IL17RC: variants seen among roughly 807,000 people sequenced by gnomAD.
The protein encoded by IL17RC is interleukin 17 receptor C.
Under a neutral mutation model 86.7 loss-of-function variants are expected in IL17RC, and 53 were observed. The ratio of observed to expected loss-of-function variants is 0.61; its 90% CI spans 0.49 to 0.77. The LOEUF (loss-of-function observed/expected upper bound fraction) is 0.77. IL17RC is among the 30% of genes least tolerant of loss of function. The pLI, the probability that IL17RC is intolerant of heterozygous loss-of-function variation, is 0.00. For synonymous variants in IL17RC, 439 were observed against 413.1 expected (o/e 1.06, Z -0.76); for missense variants, 957 against 940.0 (o/e 1.02, Z -0.24).
chr3:9,920,996 G>A, intron 7 of IL17RC, 27 bp downstream of exon 7: 1 of 1,505,384 alleles, frequency 6.6e-7, no homozygotes. Flanking sequence ...GTGGGCCGGG[G>A]GTAGGGAGGG....
chr3:9,931,867 G>C (rs2125298326), intron 16 of IL17RC, among the ~76,000 whole-genome samples: 1 of 131,592 alleles, frequency 7.6e-6, no homozygotes, highest in Middle Eastern at 3.6e-3. Context: ...AAATCAATTG[G>C]AGGTAAAAAA....
rs1480199252 is a variant in IL17RC at position 9,930,192 on chromosome 3, A to G, written c.1278+43A>G. On this transcript the variant is annotated intron_variant, in intron 14 of 18. Transcript: ENST00000403601. This position sits in a 1 kb window ranked among gnomAD's most constrained non-coding sequence, Gnocchi z 5.8. ...CTCCTCCACAGATCTCTCCAAATGC[A>G]TCTCACATCTGGCCTCAAATTTTCA... is the stretch of plus-strand genomic sequence containing the variant. 11 of 1,607,724 alleles carry G rather than the reference A, an allele frequency of 6.8e-6. No homozygotes were observed. Among genetic ancestry groups the G allele is most frequent in the Non-Finnish European group, 9.4e-6 (11 of 1,175,564 alleles).
intron 7 of IL17RC, among the ~76,000 whole-genome samples, chr3:9,921,647 CAG>C (rs2083565848): frequency 1.5e-5 from 2 of 134,300 alleles, no homozygotes; most frequent in Non-Finnish European, 3.1e-5. Context: ...TTTTTTGAGA[CAG>C]AGTCTCGCTC....
chr3:9,933,536 C>A lies in IL17RC; in HGVS notation c.2106C>A (p.Pro702=). Residue 702 remains proline (P), a synonymous_variant, in exon 19 of 19, where the codon CCC becomes CCA. Transcript: ENST00000403601. ...LDSYFHPPGT[P]APGRGVGPGA... is the part of the protein sequence containing the mutation. ...GCTACTTCCATCCCCCGGGGACTCC[C>A]GCGCCGGGACGCGGGGTGGGACCAG... 1 of 1,606,160 alleles carries A rather than the reference C, an allele frequency of 6.2e-7. No homozygotes were observed. The highest frequency in any genetic ancestry group is 2.2e-5 in the East Asian group (1 of 44,616).
At chr3:9,917,889 C>T (rs748586047) in intron 2 of IL17RC, 34 bp from the exon 3 acceptor site, 1 of 1,612,558 alleles carries the variant, frequency 6.2e-7, no homozygotes. Flanking sequence ...GGGCTTGGAA[C>T]AGCTTCAGCT....
intron 16 of IL17RC, among the ~76,000 whole-genome samples, chr3:9,931,466 CACACATAT>C (rs1294748894): frequency 0.033 from 507 of 15,570 alleles, 3 homozygotes; most frequent in African/African-American, 0.045. Context: ...CACACACACA[CACACATAT>C]ATATATATAT....
At chr3:9,921,858 C>T (rs2083594976) in intron 7 of IL17RC, among the ~76,000 whole-genome samples, 2 of 151,194 alleles carry the variant, frequency 1.3e-5, no homozygotes, top group Non-Finnish European at 2.9e-5. Flanking sequence ...ATCTCCTGAC[C>T]TTGTGATCCG....
At chr3:9,926,432 T>C (rs1308046916) in intron 9 of IL17RC, among the ~76,000 whole-genome samples, 2 of 152,208 alleles carry the variant, frequency 1.3e-5, no homozygotes, top group African/African-American at 2.4e-5. Context: ...ACACAACAGA[T>C]GCTCAATAAA....
rs1266299140 is a variant in IL17RC at position 9,918,564 on chromosome 3, G to A, written c.420G>A (p.Leu140=). The A allele has an allele frequency of 6.2e-7, 1 of 1,614,078 alleles. No individual in the cohort carries two copies. The highest frequency in any genetic ancestry group is 1.3e-5 in the African/African-American group (1 of 74,942). Residue 140 remains leucine (L), a synonymous_variant, in exon 5 of 19, where the codon CTG becomes CTA. Transcript: ENST00000403601. ...QAYPTARCVL[L]EVQVPAALVQ... ...ACCCTACTGCCCGCTGCGTCCTGCTGGAGGTGCAAGTGCCTGCTGCCCTTG... is the reference window on the plus strand; with the variant it reads ...ACCCTACTGCCCGCTGCGTCCTGCTAGAGGTGCAAGTGCCTGCTGCCCTTG...
chr3:9,924,333 AGAT>A (rs1391400089), intron 9 of IL17RC, 42 bp downstream of exon 9: 1 of 1,578,896 alleles, frequency 6.3e-7, no homozygotes, highest in African/African-American at 1.3e-5. Context: ...AGGAGTGGGA[AGAT>A]GATGATGGGG....
Position 9,930,718 on chromosome 3 carries a change from T to C in IL17RC, c.1339-177T>C, listed in dbSNP as rs1324667505. On this transcript the variant is annotated intron_variant, in intron 15 of 18. Transcript: ENST00000403601. The surrounding 1 kb of genome is among the most constrained non-coding windows in gnomAD (Gnocchi z 5.8). ...TTCTTCCTATAAGCCAGATTTGGTATGGAAGAAGTCATACCCTAGTCAGTG... is the reference window on the plus strand; with the variant it reads ...TTCTTCCTATAAGCCAGATTTGGTACGGAAGAAGTCATACCCTAGTCAGTG... The C allele has an allele frequency of 1.4e-6, 1 of 706,608 alleles. No individual in the cohort carries two copies. The highest frequency in any genetic ancestry group is 2.4e-5 in the Admixed American group (1 of 41,752). 43.8% of individuals were successfully genotyped at this position (706,608 alleles called of 1,614,324 possible).
At chr3:9,922,572 A>G (rs2083670859) in intron 7 of IL17RC, among the ~76,000 whole-genome samples, 1 of 152,256 alleles carries the variant, frequency 6.6e-6, no homozygotes, top group Non-Finnish European at 1.5e-5. Context: ...GGAAATATTA[A>G]TAAATCAATA....
chr3:9,930,876 TTC>T lies in IL17RC; in HGVS notation c.1339-17_1339-16del. 1 of 1,613,360 alleles carries T rather than the reference TTC, an allele frequency of 6.2e-7. No homozygotes were observed. The highest frequency in any genetic ancestry group is 8.5e-7 in the Non-Finnish European group (1 of 1,179,266). ...CACCTGGCTGGTGCCCTGGATTTGG[TTC>T]TGTTTGTATCTTACAGCTATGGGAC... is the stretch of plus-strand genomic sequence containing the variant. On this transcript the variant is annotated splice_polypyrimidine_tract_variant and intron_variant, in intron 15 of 18. Coordinates refer to ENST00000403601, the MANE Select transcript of IL17RC (RefSeq NM_153460.4). This position sits in a 1 kb window ranked among gnomAD's most constrained non-coding sequence, Gnocchi z 5.8.
chr3:9,931,016 C>T (rs944007755), intron 16 of IL17RC, 73 bp downstream of exon 16: 2 of 1,159,312 alleles, frequency 1.7e-6, no homozygotes, highest in African/African-American at 1.5e-5. Flanking sequence ...CTCTTGGGCA[C>T]AGCACATGCA....
Position 9,929,832 on chromosome 3 carries a change from C to G in IL17RC, c.1111-20C>G, listed in dbSNP as rs2125271748. Reference sequence around the variant, plus strand: ...CTTTTGCTTTTCTTAGTGGCCCTAACCATGGTCTCTTCCCAGCAGGTGAAC... The same window carrying G: ...CTTTTGCTTTTCTTAGTGGCCCTAAGCATGGTCTCTTCCCAGCAGGTGAAC... On this transcript the variant is annotated intron_variant, in intron 12 of 18. Transcript: ENST00000403601. 1 of 1,614,042 alleles carries G rather than the reference C, an allele frequency of 6.2e-7. No homozygotes were observed. Among genetic ancestry groups the G allele is most frequent in the East Asian group, 2.2e-5 (1 of 44,888 alleles).
intron 16 of IL17RC, among the ~76,000 whole-genome samples, chr3:9,931,762 C>T (rs994484900): frequency 1.3e-5 from 2 of 151,728 alleles, no homozygotes; most frequent in Non-Finnish European, 2.9e-5. Flanking sequence ...GCGTCGGCCT[C>T]CCAAAGTGCT....
chr3:9,918,613 T>G lies in IL17RC; in HGVS notation c.465+4T>G. On this transcript the variant is annotated splice_donor_region_variant and intron_variant, in intron 5 of 18. Coordinates refer to ENST00000403601, the MANE Select transcript of IL17RC (RefSeq NM_153460.4). The stretch of plus-strand genomic sequence containing the variant: ...TGTGCAGTTTGGTCAGTCTGTGGTA[T>G]GCAAAATAATAATAATCACCTTCTA... 1 of 1,589,952 alleles carries G rather than the reference T, an allele frequency of 6.3e-7. No individual in the cohort carries two copies. The highest frequency in any genetic ancestry group is 8.6e-7 in the Non-Finnish European group (1 of 1,158,302).
In IL17RC at chr3:9,928,410, T is replaced by C. The variant is rs373390329; in HGVS notation, c.983T>C (p.Leu328Pro). The change falls in exon 11 of 19, where the codon CTG becomes CCG. Residue 328 changes from leucine to proline, a missense_variant. Leu to Pro is a moderately conservative substitution (Grantham distance 98). Coordinates refer to ENST00000403601, the MANE Select transcript of IL17RC (RefSeq NM_153460.4). Reference sequence around the variant, plus strand: ...TGCTCGCTGCCCGCAGAAGCGGCACTGTGCTGGCGGGCTCCGGGTGGGGAC... The same window carrying C: ...TGCTCGCTGCCCGCAGAAGCGGCACCGTGCTGGCGGGCTCCGGGTGGGGAC... ...APCSLPAEAA[L>P]CWRAPGGDPC... 1 of 1,605,444 alleles carries C rather than the reference T, an allele frequency of 6.2e-7. No homozygotes were observed. The highest frequency in any genetic ancestry group is 8.5e-7 in the Non-Finnish European group (1 of 1,177,638).
At chr3:9,931,466 CACACATATATATATAT>C (rs1323431642) in intron 16 of IL17RC, among the ~76,000 whole-genome samples, 4 of 15,644 alleles carry the variant, frequency 2.6e-4, no homozygotes, top group East Asian at 3.0e-3. Context: ...CACACACACA[CACACATATATATATAT>C]ATATATATAT....
Sources: gnomAD v4.1 joint callset for allele counts (sites outside exome capture counted in the v4.1 genomes callset) on GRCh38, gnomAD v4.1.1 for gene constraint, Gnocchi (gnomAD v3.1) non-coding constraint, MANE v1.5 for transcripts, NCBI Gene and HGNC (gene_info 2026-07-23, HGNC 2026-07-21) for gene names.